Variants in LRRC37A3 observed in about 807,000 individuals in gnomAD.
LRRC37A3 encodes the protein leucine-rich repeat-containing protein 37A3.
A neutral mutation model predicts 106.2 loss-of-function variants in LRRC37A3; 25 were observed. That is an observed-to-expected ratio of 0.24 (90% CI 0.17 to 0.33). The LOEUF (loss-of-function observed/expected upper bound fraction) is 0.33, where lower values mean the gene tolerates loss of function less well. Ranked by LOEUF, LRRC37A3 falls within the 10% of genes least tolerant of loss-of-function variation. LRRC37A3 has a pLI of 1.00. For missense variants in LRRC37A3, 712 were observed against 1,644.9 expected (o/e 0.43, Z 9.81); for synonymous variants, 305 against 635.8 (o/e 0.48, Z 7.83).
chr17:64,908,698 A>C, intron 2 of LRRC37A3, among the ~76,000 whole-genome samples: 1 of 112,698 alleles, frequency 8.9e-6, no homozygotes, highest in African/African-American at 4.7e-5. Context: ...AATCACGTGA[A>C]CCCGGGAGGC....
chr17:64,864,435 G>A (rs1233446369), intron 10 of LRRC37A3, among the ~76,000 whole-genome samples: 2 of 152,158 alleles, frequency 1.3e-5, no homozygotes, highest in African/African-American at 2.4e-5. Flanking sequence ...ATTGGATTCT[G>A]TACTATTCTT....
chr17:64,868,123 G>C (rs1431244343), intron 10 of LRRC37A3, among the ~76,000 whole-genome samples: 2 of 152,078 alleles, frequency 1.3e-5, no homozygotes, highest in Non-Finnish European at 2.9e-5. Flanking sequence ...AACACAAGAG[G>C]CTACGTGCTA....
At chr17:64,857,735 A>C (rs912746592) in intron 13 of LRRC37A3, among the ~76,000 whole-genome samples, 7 of 152,292 alleles carry the variant, frequency 4.6e-5, no homozygotes, top group African/African-American at 1.7e-4. Flanking sequence ...TGGCTTTTGA[A>C]AGATGCATAG....
Position 64,868,454 on chromosome 17 carries a change from T to C in LRRC37A3, c.3053+8A>G. The C allele has an allele frequency of 6.2e-7, 1 of 1,609,754 alleles. No individual in the cohort carries two copies. Among genetic ancestry groups the C allele is most frequent in the Non-Finnish European group, 8.5e-7 (1 of 1,178,792 alleles). The stretch of plus-strand genomic sequence containing the variant: ...CGTAAAAATAAATCTCGGAAAAAAA[T>C]AACTTACAGTTTTTCCAGTTCAACA... On this transcript the variant is annotated splice_region_variant and intron_variant, in intron 10 of 14. Coordinates refer to ENST00000584306, the MANE Select transcript of LRRC37A3 (RefSeq NM_199340.5).
chr17:64,870,896 G>C (rs1459438316), intron 8 of LRRC37A3, among the ~76,000 whole-genome samples: 3 of 149,608 alleles, frequency 2.0e-5, no homozygotes, highest in African/African-American at 7.4e-5. Context: ...CCCAAACAGG[G>C]TCTTGCTCCA....
intron 2 of LRRC37A3, among the ~76,000 whole-genome samples, chr17:64,910,637 C>CTTTTTTTT (rs926231139): frequency 3.4e-4 from 33 of 96,490 alleles, no homozygotes; most frequent in East Asian, 7.1e-4. Context: ...ATTGTCCCCC[C>CTTTTTTTT]TTTTTTTTTT....
chr17:64,860,514 G>C lies in LRRC37A3; in HGVS notation c.3632C>G (p.Pro1211Arg). Residue 1211 changes from proline (P) to arginine (R), a missense_variant, in exon 12 of 15, where the codon CCA (proline) becomes CGA (arginine). By Grantham distance (103) the Pro-to-Arg change is moderately radical (BLOSUM62 -2). Transcript: ENST00000584306. ...TGTGTGAGGCTGTTTCAGCTCCCTT[G>C]GGGCTGGACTTCCGAGCCTTTTTTC... is the stretch of plus-strand genomic sequence containing the variant. ...AEEKRLGSPA[P>R]RELKQPHTQQ... The C allele has an allele frequency of 6.2e-7, 1 of 1,612,956 alleles. No homozygotes were observed. The highest frequency in any genetic ancestry group is 8.5e-7 in the Non-Finnish European group (1 of 1,179,858).
At chr17:64,877,991 G>A (rs1377966705) in intron 8 of LRRC37A3, among the ~76,000 whole-genome samples, 1 of 151,936 alleles carries the variant, frequency 6.6e-6, no homozygotes, top group Non-Finnish European at 1.5e-5. Context: ...CATCTCACAC[G>A]ATTATAAGAA....
intron 1 of LRRC37A3, 123 bp from the exon 2 acceptor site, chr17:64,918,993 G>A (rs1450060045): frequency 3.4e-5 from 41 of 1,218,992 alleles, no homozygotes; most frequent in Non-Finnish European, 4.1e-5. Flanking sequence ...CCTCCCCCCG[G>A]CCGGGGCGCT....
Position 64,860,054 on chromosome 17 carries a change from G to A in LRRC37A3, c.4092C>T (p.Asp1364=), listed in dbSNP as rs748801132. The change falls in exon 12 of 15, where the codon GAC becomes GAT. Residue 1364 remains aspartate (D), a synonymous_variant. Transcript: ENST00000584306. ...PSQGAFSSLR[D]LSPQENPFLE... ...GAAAAGGATTTTCTTGAGGACTCAG[G>A]TCTCTTAAGGATGAAAAAGCCCCTT... 6.2e-7 allele frequency: 1 copy of A among 1,613,940 alleles called. No individual in the cohort carries two copies. The highest frequency in any genetic ancestry group is 1.1e-5 in the South Asian group (1 of 91,064).
intron 8 of LRRC37A3, among the ~76,000 whole-genome samples, chr17:64,885,399 GC>G: frequency 6.7e-6 from 1 of 149,792 alleles, no homozygotes; most frequent in Admixed American, 6.6e-5. Context: ...ACAGGTGCCC[GC>G]CACCATGACC....
intron 9 of LRRC37A3, among the ~76,000 whole-genome samples, chr17:64,868,863 T>A (rs1255028981): frequency 2.6e-5 from 4 of 152,232 alleles, no homozygotes; most frequent in African/African-American, 7.2e-5. Flanking sequence ...CCTCCATGTG[T>A]CTACATGTTG....
At chr17:64,863,622 A>G (rs1372113317) in intron 10 of LRRC37A3, 1 of 153,602 alleles carries the variant, frequency 6.5e-6, no homozygotes, top group Non-Finnish European at 1.4e-5. Flanking sequence ...AAATAATGCC[A>G]GCTAGTAAAT....
chr17:64,868,024 A>C (rs911112834), intron 10 of LRRC37A3, among the ~76,000 whole-genome samples: 2 of 152,088 alleles, frequency 1.3e-5, no homozygotes, highest in Non-Finnish European at 2.9e-5. Flanking sequence ...CAGTGAGCCT[A>C]GGTCATGCCG....
In LRRC37A3 at chr17:64,859,755, G is replaced by A; in HGVS notation, c.4391C>T (p.Pro1464Leu). Reference protein sequence around the residue: ...LSPEPKSFNYPLLSSPGDQFE... With the variant: ...LSPEPKSFNYLLLSSPGDQFE... ...CTGATCACCTGGGGACGAGAGCAAT[G>A]GGTAATTGAAGCTTTTGGGCTCGGG... Residue 1464 changes from proline to leucine, a missense_variant, in exon 12 of 15, where the codon CCA becomes CTA. Pro to Leu is a moderately conservative substitution (Grantham distance 98). Coordinates refer to ENST00000584306, the MANE Select transcript of LRRC37A3 (RefSeq NM_199340.5). The A allele has an allele frequency of 6.2e-7, 1 of 1,612,990 alleles. No homozygotes were observed. Among genetic ancestry groups the A allele is most frequent in the Non-Finnish European group, 8.5e-7 (1 of 1,179,982 alleles).
chr17:64,863,215 A>G (rs1027707741), intron 10 of LRRC37A3, 197 bp from the exon 11 acceptor site: 2 of 632,574 alleles, frequency 3.2e-6, no homozygotes, highest in African/African-American at 3.6e-5. Flanking sequence ...GGCAGTGAGT[A>G]TGGTATGCCT....
At chr17:64,880,966 T>C (rs894778399) in intron 8 of LRRC37A3, 33 of 600,342 alleles carry the variant, frequency 5.5e-5, no homozygotes, top group Non-Finnish European at 9.5e-5. Context: ...AACTCCAAAA[T>C]GATCTATGCT....
rs377375425 is a variant in LRRC37A3, at chr17:64,860,696, G to T, written c.3450C>A (p.Ser1150Arg). 3.1e-6 allele frequency: 5 copies of T among 1,613,884 alleles called. No individual in the cohort carries two copies. In the African/African-American group the frequency reaches 5.3e-5, roughly 17 times the overall value. ...TGCCTACAGTTTGAATCTTTGCCAG[G>T]CTGTTTCCTGTGGTTGGCAGTTTAA... ...PFIKLPTTGN[S>R]LAKIQTVGKN... The change falls in exon 12 of 15, where the codon AGC becomes AGA. Residue 1150 changes from serine (S) to arginine (R), a missense_variant. Ser to Arg is a moderately radical substitution (Grantham distance 110). Coordinates refer to ENST00000584306, the MANE Select transcript of LRRC37A3 (RefSeq NM_199340.5).
In LRRC37A3 at chr17:64,855,864, T is replaced by G; in HGVS notation, c.4835A>C (p.Gln1612Pro). ...CCTTGAGAATCCTTCTTCATCTTCT[T>G]GTAATGACCTTCGGTGACAACAGAT... is the stretch of plus-strand genomic sequence containing the variant. The part of the protein sequence containing the change: ...IEICCHRRSL[Q>P]EDEEGFSRDS... The change falls in exon 14 of 15, where the codon CAA (glutamine) becomes CCA (proline). Residue 1612 changes from glutamine to proline, a missense_variant. Transcript: ENST00000584306. 2 of 1,611,862 alleles carry G rather than the reference T, an allele frequency of 1.2e-6. No homozygotes were observed. The highest frequency in any genetic ancestry group is 8.5e-7 in the Non-Finnish European group (1 of 1,179,730).
Sources: allele counts gnomAD v4.1 joint callset (sites outside exome capture counted in the v4.1 genomes callset), GRCh38; gene constraint gnomAD v4.1.1; transcripts MANE v1.5; gene names NCBI Gene and HGNC (gene_info 2026-07-23, HGNC 2026-07-21).